GLG1: variants seen among roughly 807,000 people sequenced by gnomAD.
The protein encoded by GLG1 is golgi glycoprotein 1.
Under a neutral mutation model 160.5 loss-of-function variants are expected in GLG1, and 38 were observed. The ratio of observed to expected loss-of-function variants is 0.24; its 90% CI spans 0.18 to 0.31. The LOEUF is 0.31. GLG1 is among the 10% of genes least tolerant of loss of function. The probability of loss-of-function intolerance (pLI) is 1.00; values close to 1 mark genes in which losing one functional copy is unlikely to be tolerated. For synonymous variants in GLG1, 644 were observed against 543.4 expected, an observed-to-expected ratio of 1.19 and a Z score of -2.57; for missense variants, 1,373 against 1,505.2, an observed-to-expected ratio of 0.91 and a Z score of 1.45.
intron 19 of GLG1, 109 bp from the exon 20 acceptor site, chr16:74,463,588 G>A (rs2014885457): frequency 3.8e-6 from 4 of 1,061,420 alleles, no homozygotes; most frequent in Non-Finnish European, 5.6e-6. Flanking sequence ...CACCCAGGCT[G>A]GAGTGCAGTG....
intron 12 of GLG1, 60 bp from the exon 13 acceptor site, chr16:74,474,692 G>C: frequency 1.2e-6 from 1 of 821,588 alleles, no homozygotes; most frequent in Non-Finnish European, 2.2e-6. Flanking sequence ...CAAGGCAAGG[G>C]GAGATATCAG....
chr16:74,503,545 G>A lies in GLG1; in HGVS notation c.760C>T (p.Arg254Trp), dbSNP rs2016490862. ...GTATTAGATACCTTTTCTCCAAGCC[G>A]AATACTGCCACATTTCAGAATGTTG... is the stretch of plus-strand genomic sequence containing the variant. ...DINILKCGSI[R>W]LGEKDAHSQG... Residue 254 changes from arginine to tryptophan, a missense_variant, in exon 4 of 26, where the codon CGG (arginine) becomes TGG (tryptophan). By Grantham distance (101) the Arg-to-Trp change is moderately radical. Coordinates refer to ENST00000422840, the MANE Select transcript of GLG1 (RefSeq NM_001145667.2). 1.4e-5 allele frequency: 22 copies of A among 1,609,598 alleles called. No homozygotes were observed. Among genetic ancestry groups the A allele is most frequent in the South Asian group, 2.2e-5 (2 of 90,962 alleles).
intron 1 of GLG1, among the ~76,000 whole-genome samples, chr16:74,586,339 G>T (rs150921515): frequency 1.9e-4 from 29 of 152,246 alleles, no homozygotes; most frequent in Non-Finnish European, 2.5e-4. Context: ...ATTAGCACAT[G>T]AACTGAAAGG....
chr16:74,478,004 AT>A (rs1477823460), intron 11 of GLG1, among the ~76,000 whole-genome samples: 1 of 151,454 alleles, frequency 6.6e-6, no homozygotes, highest in East Asian at 1.9e-4. Context: ...AAATAAATAA[AT>A]AAATAAATAA....
At chr16:74,493,219 G>A in intron 6 of GLG1, 79 bp from the exon 7 acceptor site, 1 of 881,892 alleles carries the variant, frequency 1.1e-6, no homozygotes, top group Non-Finnish European at 1.8e-6. Flanking sequence ...GATGAGCACA[G>A]CGACTCAGCC....
intron 16 of GLG1, chr16:74,469,440 A>G: frequency 4.6e-6 from 1 of 215,804 alleles, no homozygotes; most frequent in Non-Finnish European, 9.3e-6. Context: ...AAACCTGAGC[A>G]AATTGGGAAT....
intron 3 of GLG1, among the ~76,000 whole-genome samples, chr16:74,505,488 G>A (rs1374337794): frequency 2.0e-5 from 3 of 152,170 alleles, no homozygotes; most frequent in South Asian, 2.1e-4. Flanking sequence ...GGAAGACCGA[G>A]GGGGGTGGAT....
At position 74,585,932 on chromosome 16, in the gene GLG1, G is replaced by A. The variant is rs1021598079; in HGVS notation, c.438+20725C>T. Reference sequence around the variant, plus strand: ...ACAAAAATTAGCCAGGTGTAGTGGCGGGTGCCTGTAATCCCAGCTACTTGG... The same window carrying A: ...ACAAAAATTAGCCAGGTGTAGTGGCAGGTGCCTGTAATCCCAGCTACTTGG... On this transcript the variant is annotated intron_variant, in intron 1 of 25. Transcript: ENST00000422840. Among the ~76,000 whole-genome samples, 9 of 151,234 alleles carry A rather than the reference G, an allele frequency of 6.0e-5. No homozygotes were observed. In the South Asian group the frequency reaches 8.3e-4, roughly 14 times the overall value.
intron 1 of GLG1, chr16:74,552,252 T>C (rs2018219877): frequency 1.8e-5 from 10 of 556,924 alleles, no homozygotes; most frequent in South Asian, 1.4e-4. Context: ...GCCACCAAGA[T>C]GCTGATGCCT....
rs377692466 is a variant in GLG1 at position 74,508,931 on chromosome 16, T to C, written c.472-6A>G. The C allele has an allele frequency of 2.7e-4, 322 of 1,183,826 alleles. 1 individual carries two copies. The highest frequency in any genetic ancestry group is 3.4e-4 in the Non-Finnish European group (274 of 803,304). 73.3% of individuals were successfully genotyped at this position (1,183,826 alleles called of 1,614,324 possible). ...AGCTTATAATTCCACAACAACTAGA[T>C]AGGAGAGGAAAAAAAAAAACAAAGA... On this transcript the variant is annotated splice_region_variant and splice_polypyrimidine_tract_variant and intron_variant, in intron 2 of 25. Transcript: ENST00000422840.
intron 8 of GLG1, among the ~76,000 whole-genome samples, chr16:74,489,225 C>T (rs1401731082): frequency 6.6e-6 from 1 of 152,040 alleles, no homozygotes; most frequent in East Asian, 1.9e-4. Flanking sequence ...AATCCCAGCA[C>T]TTTGGGAGGC....
intron 1 of GLG1, among the ~76,000 whole-genome samples, chr16:74,558,276 TTAGAG>T (rs2018406858): frequency 1.3e-5 from 2 of 152,178 alleles, no homozygotes; most frequent in Non-Finnish European, 2.9e-5. Context: ...TGTGAAATTA[TTAGAG>T]TATTTTATTG....
intron 1 of GLG1, among the ~76,000 whole-genome samples, chr16:74,540,007 ATAT>A (rs1244327781): frequency 0.015 from 12 of 806 alleles, 4 homozygotes; most frequent in African/African-American, 0.017. Flanking sequence ...TTATATATAT[ATAT>A]TTTATATATA....
Position 74,509,154 on chromosome 16 carries a change from T to G in GLG1, c.472-229A>C, listed in dbSNP as rs1464591277. ...TCAGATATATTTTTGTCGTTTTTACTAAAGGACAATTTTTTTTTTTTTTTT... is the reference window on the plus strand; with the variant it reads ...TCAGATATATTTTTGTCGTTTTTACGAAAGGACAATTTTTTTTTTTTTTTT... On this transcript the variant is annotated intron_variant, in intron 2 of 25. Coordinates refer to ENST00000422840, the MANE Select transcript of GLG1 (RefSeq NM_001145667.2). Among the ~76,000 whole-genome samples, 9 of 142,666 alleles carry G rather than the reference T, an allele frequency of 6.3e-5. 1 individual carries two copies. 93.6% of individuals were successfully genotyped at this position (142,666 alleles called of 152,430 possible).
intron 1 of GLG1, among the ~76,000 whole-genome samples, chr16:74,579,893 T>C (rs1249545477): frequency 1.3e-5 from 2 of 150,998 alleles, no homozygotes; most frequent in East Asian, 4.0e-4. Context: ...TGAAACCCCG[T>C]CTCTACTAAA....
At chr16:74,493,971 T>C (rs2143395556) in intron 6 of GLG1, among the ~76,000 whole-genome samples, 1 of 151,762 alleles carries the variant, frequency 6.6e-6, no homozygotes, top group Middle Eastern at 3.4e-3. Flanking sequence ...GGTCAGGAGT[T>C]TGAGAGCAGC....
intron 1 of GLG1, among the ~76,000 whole-genome samples, chr16:74,584,842 G>A (rs1474435235): frequency 6.6e-6 from 1 of 152,000 alleles, no homozygotes; most frequent in Admixed American, 6.6e-5. Flanking sequence ...ATTGAATCTG[G>A]GAGGCAGAGG....
At chr16:74,568,634 T>C (rs959583099) in intron 1 of GLG1, among the ~76,000 whole-genome samples, 2 of 152,026 alleles carry the variant, frequency 1.3e-5, no homozygotes, top group Non-Finnish European at 2.9e-5. Flanking sequence ...GCCAGGCTGG[T>C]CTAGAACTCC....
At chr16:74,505,202 TC>T (rs2016552769) in intron 3 of GLG1, among the ~76,000 whole-genome samples, 1 of 152,218 alleles carries the variant, frequency 6.6e-6, no homozygotes, top group South Asian at 2.1e-4. Context: ...CGAGGAATTA[TC>T]CTATAGGCAA....
Sources: gnomAD v4.1 joint callset for allele counts (sites outside exome capture counted in the v4.1 genomes callset) on GRCh38, gnomAD v4.1.1 for gene constraint, MANE v1.5 for transcripts, NCBI Gene and HGNC (gene_info 2026-07-23, HGNC 2026-07-21) for gene names.